SPOCK1: variants seen among roughly 807,000 people sequenced by gnomAD.
The protein encoded by SPOCK1 is testican-1.
A neutral mutation model predicts 55.3 loss-of-function variants in SPOCK1; 23 were observed. That is an observed-to-expected ratio of 0.42 (90% CI 0.30 to 0.59). The LOEUF (loss-of-function observed/expected upper bound fraction) is 0.59, where lower values mean the gene tolerates loss of function less well. Ranked by LOEUF, SPOCK1 falls within the 20% of genes least tolerant of loss-of-function variation. The pLI, the probability that SPOCK1 is intolerant of heterozygous loss-of-function variation, is 0.22. For missense variants in SPOCK1, 499 were observed against 552.5 expected (o/e 0.90, Z 0.97); for synonymous variants, 226 against 221.0 (o/e 1.02, Z -0.20).
intron 3 of SPOCK1, among the ~76,000 whole-genome samples, chr5:137,209,151 TA>T (rs917789025): frequency 3.3e-5 from 5 of 152,234 alleles, no homozygotes; most frequent in Non-Finnish European, 5.9e-5. Flanking sequence ...GACATCTTTT[TA>T]AAAAATTTCT....
intron 2 of SPOCK1, among the ~76,000 whole-genome samples, chr5:137,309,090 CA>C (rs956464836): frequency 5.3e-5 from 8 of 151,726 alleles, no homozygotes; most frequent in Non-Finnish European, 7.4e-5. Context: ...GCTTTAATAT[CA>C]GAACAAAAAA....
At chr5:137,130,823 T>C (rs926647967) in intron 4 of SPOCK1, among the ~76,000 whole-genome samples, 1 of 152,208 alleles carries the variant, frequency 6.6e-6, no homozygotes, top group African/African-American at 2.4e-5. Flanking sequence ...CACAGCAACA[T>C]TGGGTTCAAT....
intron 6 of SPOCK1, among the ~76,000 whole-genome samples, chr5:137,067,053 C>T (rs187660353): frequency 6.6e-6 from 1 of 151,186 alleles, no homozygotes; most frequent in African/African-American, 2.4e-5. Flanking sequence ...GCTGAGAAAG[C>T]TGAATTCCAC....
At chr5:137,170,587 TTCTCTCTC>T (rs56347412) in intron 3 of SPOCK1, among the ~76,000 whole-genome samples, 6,770 of 142,550 alleles carry the variant, frequency 0.047, 254 homozygotes, top group East Asian at 0.13. Flanking sequence ...AGCCTGTTAT[TTCTCTCTC>T]TCTCTCTCTC....
intron 2 of SPOCK1, among the ~76,000 whole-genome samples, chr5:137,492,805 G>A (rs1754216353): frequency 6.6e-6 from 1 of 152,232 alleles, no homozygotes; most frequent in African/African-American, 2.4e-5. Context: ...AATGGAAGGT[G>A]GAGACAGGCA....
intron 6 of SPOCK1, among the ~76,000 whole-genome samples, chr5:137,043,876 A>G (rs933920635): frequency 3.3e-5 from 5 of 152,238 alleles, no homozygotes; most frequent in African/African-American, 1.2e-4. Context: ...CTAAGGAAAT[A>G]TGAATTAAAA....
chr5:137,244,673 C>G (rs927538903), intron 3 of SPOCK1, among the ~76,000 whole-genome samples: 1 of 152,168 alleles, frequency 6.6e-6, no homozygotes, highest in Non-Finnish European at 1.5e-5. Flanking sequence ...TTTGTTCTAC[C>G]CTCAATGGAA....
intron 2 of SPOCK1, among the ~76,000 whole-genome samples, chr5:137,472,601 G>C (rs767788147): frequency 6.6e-6 from 1 of 152,142 alleles, no homozygotes; most frequent in Admixed American, 6.6e-5. Context: ...AAACAAATTC[G>C]TTTCTGAAAT....
chr5:137,210,743 G>T (rs1229051720), intron 3 of SPOCK1, among the ~76,000 whole-genome samples: 2 of 152,166 alleles, frequency 1.3e-5, no homozygotes, highest in Non-Finnish European at 2.9e-5. Context: ...GTGAAGGTTT[G>T]CCCAGTGCTC....
At chr5:137,442,660 T>C (rs936965466) in intron 2 of SPOCK1, among the ~76,000 whole-genome samples, 1 of 152,178 alleles carries the variant, frequency 6.6e-6, no homozygotes, top group Non-Finnish European at 1.5e-5. Context: ...CTAACACCAC[T>C]ACCTTAGATA....
At chr5:137,374,765 C>A (rs1179644711) in intron 2 of SPOCK1, among the ~76,000 whole-genome samples, 2 of 152,172 alleles carry the variant, frequency 1.3e-5, no homozygotes, top group East Asian at 3.8e-4. Flanking sequence ...TTCTAGAACC[C>A]TGCAATGTAA....
chr5:137,365,087 A>G (rs75521173), intron 2 of SPOCK1: 6,450 of 152,304 alleles, frequency 0.042, 183 homozygotes, highest in East Asian at 0.099. Flanking sequence ...GAGGATACCA[A>G]CCCAAGCTTG....
At chr5:137,017,284 G>A (rs1020111504) in intron 6 of SPOCK1, among the ~76,000 whole-genome samples, 20 of 152,198 alleles carry the variant, frequency 1.3e-4, no homozygotes, top group Non-Finnish European at 2.5e-4. Flanking sequence ...GTACCTTGAT[G>A]TGGTAGGAGC....
intron 2 of SPOCK1, among the ~76,000 whole-genome samples, chr5:137,345,394 C>T (rs1165342924): frequency 1.3e-5 from 2 of 152,208 alleles, no homozygotes; most frequent in East Asian, 3.9e-4. Flanking sequence ...TGAAACATAT[C>T]CCCAGCTGCT....
intron 3 of SPOCK1, among the ~76,000 whole-genome samples, chr5:137,247,385 C>T (rs1443731600): frequency 6.6e-6 from 1 of 152,074 alleles, no homozygotes; most frequent in Non-Finnish European, 1.5e-5. Context: ...ATGCCACCAG[C>T]CATGCAGAAA....
intron 5 of SPOCK1, among the ~76,000 whole-genome samples, chr5:137,084,019 A>G (rs924119924): frequency 1.1e-4 from 17 of 152,164 alleles, no homozygotes; most frequent in Admixed American, 5.2e-4. Flanking sequence ...TTACATCTGT[A>G]AAATGGGGAT....
At chr5:137,260,140 T>C (rs908496348) in intron 3 of SPOCK1, among the ~76,000 whole-genome samples, 3 of 152,188 alleles carry the variant, frequency 2.0e-5, no homozygotes, top group African/African-American at 7.2e-5. Context: ...AGAAAGGACA[T>C]GTGATTTGCC....
chr5:137,011,576 A>G (rs1751349052), intron 6 of SPOCK1, among the ~76,000 whole-genome samples: 1 of 152,168 alleles, frequency 6.6e-6, no homozygotes, highest in Non-Finnish European at 1.5e-5. Flanking sequence ...TGGTTAAAAC[A>G]TCCCTGAAAT....
intron 2 of SPOCK1, among the ~76,000 whole-genome samples, chr5:137,455,569 T>C (rs1753347067): frequency 2.0e-5 from 3 of 152,186 alleles, no homozygotes. Flanking sequence ...TGGCCTGGAA[T>C]AATAGCAACC....
Sources: gnomAD v4.1 joint callset for allele counts (sites outside exome capture counted in the v4.1 genomes callset) on GRCh38, gnomAD v4.1.1 for gene constraint, MANE v1.5 for transcripts, NCBI Gene and HGNC (gene_info 2026-07-23, HGNC 2026-07-21) for gene names.